SPATA32: variants seen among roughly 807,000 people sequenced by gnomAD.
SPATA32 encodes the protein spermatogenesis-associated protein 32.
In SPATA32, 28 loss-of-function variants were observed where a neutral mutation model predicts 35.4. That is an observed-to-expected ratio of 0.79 (90% CI 0.59 to 1.09). SPATA32 has a LOEUF of 1.09. SPATA32 is among the 50% of genes least tolerant of loss of function. The pLI, the probability that SPATA32 is intolerant of heterozygous loss-of-function variation, is 0.00. For missense variants in SPATA32, 409 were observed against 475.9 expected (o/e 0.86, Z 1.31); for synonymous variants, 168 against 196.3 (o/e 0.86, Z 1.20).
In SPATA32 at chr17:45,257,245, G is replaced by T. The variant is rs752171953; in HGVS notation, c.14-38C>A. The T allele has an allele frequency of 2.5e-6, 4 of 1,585,930 alleles. No homozygotes were observed. In the East Asian group the frequency reaches 9.2e-5, roughly 37 times the overall value. ...AGGAGGTGAGGGCAGGGAGCTGCAGGGTAGAGGACAGTCCCAGAGGGATTC... is the reference window on the plus strand; with the variant it reads ...AGGAGGTGAGGGCAGGGAGCTGCAGTGTAGAGGACAGTCCCAGAGGGATTC... On this transcript the variant is annotated intron_variant, in intron 1 of 4. Transcript: ENST00000331780.
Position 45,256,034 on chromosome 17 carries a change from C to G in SPATA32, c.148G>C (p.Val50Leu), listed in dbSNP as rs894712323. The G allele has an allele frequency of 6.2e-7, 1 of 1,612,128 alleles. No individual in the cohort carries two copies. The highest frequency in any genetic ancestry group is 8.5e-7 in the Non-Finnish European group (1 of 1,179,198). ...DMLEQKPQLQ[V>L]DLDLDPDPDP... ...GGGTCTGGGTCCAGGTCCAGGTCCA[C>G]TTGGAGTTGGGGCTTCTGCTCTAGC... Residue 50 changes from valine (V) to leucine (L), a missense_variant, in exon 4 of 5, where the codon GTG becomes CTG. Physicochemically the swap from Val to Leu is conservative, Grantham distance 32. Coordinates refer to ENST00000331780, the MANE Select transcript of SPATA32 (RefSeq NM_152343.3). The surrounding 1 kb of genome is among the most constrained non-coding windows in gnomAD (Gnocchi z 4.7).
chr17:45,261,749 A>G, intron 1 of SPATA32: 1 of 398,962 alleles, frequency 2.5e-6, no homozygotes, highest in African/African-American at 2.1e-5. Context: ...TGCAGTCCCT[A>G]CTCCAAGGCG....
Position 45,255,431 on chromosome 17 carries a change from C to T in SPATA32, c.751G>A (p.Ala251Thr). The part of the protein sequence containing the change: ...LITFASSLAM[A>T]SSSRMDLPSL... ...GGCAGGTCCATCCTGCTGGAGGAGG[C>T]CATGGCCAGGGAAGATGCAAAGGTG... The change falls in exon 4 of 5, where the codon GCC becomes ACC. Residue 251 changes from alanine to threonine, a missense_variant. Physicochemically the swap from Ala to Thr is moderately conservative, Grantham distance 58. Transcript: ENST00000331780. This position sits in a 1 kb window ranked among gnomAD's most constrained non-coding sequence, Gnocchi z 5.4. 1 of 1,614,058 alleles carries T rather than the reference C, an allele frequency of 6.2e-7. No individual in the cohort carries two copies. The highest frequency in any genetic ancestry group is 1.1e-5 in the South Asian group (1 of 91,074).
At chr17:45,258,392 A>G (rs1482871252) in intron 1 of SPATA32, among the ~76,000 whole-genome samples, 2 of 151,958 alleles carry the variant, frequency 1.3e-5, no homozygotes, top group Middle Eastern at 3.4e-3. Context: ...CAGGCTTCTG[A>G]CCTCAGGGCC....
At chr17:45,254,813 C>T (rs893739803) in intron 4 of SPATA32, among the ~76,000 whole-genome samples, 1 of 152,196 alleles carries the variant, frequency 6.6e-6, no homozygotes, top group Admixed American at 6.5e-5. Context: ...GAGGCCCGAC[C>T]CCCAGGGTGG....
In SPATA32 at chr17:45,256,352, G is replaced by C; in HGVS notation, c.108+24C>G. The C allele has an allele frequency of 1.9e-6, 3 of 1,611,248 alleles. No homozygotes were observed. The highest frequency in any genetic ancestry group is 1.7e-6 in the Non-Finnish European group (2 of 1,177,386). On this transcript the variant is annotated intron_variant, in intron 3 of 4. Transcript: ENST00000331780. This position sits in a 1 kb window ranked among gnomAD's most constrained non-coding sequence, Gnocchi z 4.7. The stretch of plus-strand genomic sequence containing the variant: ...CCTGCCGCTTGCCTACCACCTCCCC[G>C]TAAGAGGACACTCCCATTTTTACCT...
Sources: allele counts gnomAD v4.1 joint callset (sites outside exome capture counted in the v4.1 genomes callset), GRCh38; gene constraint gnomAD v4.1.1; non-coding constraint Gnocchi (gnomAD v3.1); transcripts MANE v1.5; gene names NCBI Gene and HGNC (gene_info 2026-07-23, HGNC 2026-07-21).